The following THSD7B variants were observed in gnomAD, a reference collection of about 807,000 sequenced individuals.
THSD7B encodes the protein thrombospondin type-1 domain-containing protein 7B.
In THSD7B, 138 loss-of-function variants were observed where a neutral mutation model predicts 213.6. The ratio of observed to expected loss-of-function variants is 0.65; its 90% CI spans 0.56 to 0.74. The LOEUF (loss-of-function observed/expected upper bound fraction) is 0.74. THSD7B is among the 30% of genes least tolerant of loss of function. The pLI, the probability that THSD7B is intolerant of heterozygous loss-of-function variation, is 0.00. For synonymous variants in THSD7B, 742 were observed against 687.0 expected, an observed-to-expected ratio of 1.08 and a Z score of -1.25; for missense variants, 1,931 against 1,991.5, an observed-to-expected ratio of 0.97 and a Z score of 0.58.
At chr2:137,169,666 A>C (rs985744283) in intron 6 of THSD7B, among the ~76,000 whole-genome samples, 1 of 152,198 alleles carries the variant, frequency 6.6e-6, no homozygotes, top group South Asian at 2.1e-4. Context: ...AAGGAATTAA[A>C]GGAATCTGTT....
intron 12 of THSD7B, among the ~76,000 whole-genome samples, chr2:137,318,408 C>T (rs1394328674): frequency 6.6e-6 from 1 of 152,120 alleles, no homozygotes; most frequent in African/African-American, 2.4e-5. Flanking sequence ...GAACCAATCA[C>T]CATTACTCTC....
intron 1 of THSD7B, among the ~76,000 whole-genome samples, chr2:136,774,697 A>G (rs1681569295): frequency 6.6e-6 from 1 of 152,134 alleles, no homozygotes; most frequent in Admixed American, 6.6e-5. Flanking sequence ...GAAAAATTCT[A>G]AACTTCATAA....
intron 25 of THSD7B, among the ~76,000 whole-genome samples, chr2:137,662,439 A>T (rs573959753): frequency 6.6e-6 from 1 of 151,828 alleles, no homozygotes; most frequent in East Asian, 1.9e-4. Context: ...GCAACCAATT[A>T]TTATTTTAGA....
chr2:136,867,677 C>T (rs956649730), intron 1 of THSD7B, among the ~76,000 whole-genome samples: 10 of 152,092 alleles, frequency 6.6e-5, no homozygotes, highest in African/African-American at 2.4e-4. Flanking sequence ...ATTCATGATG[C>T]GTCTGTCTGG....
intron 17 of THSD7B, among the ~76,000 whole-genome samples, chr2:137,587,329 G>T (rs1186253078): frequency 2.0e-5 from 3 of 152,128 alleles, no homozygotes; most frequent in Non-Finnish European, 4.4e-5. Flanking sequence ...GCCTTCTTCT[G>T]TCAACTCGTC....
At chr2:137,059,374 T>G (rs1474422398) in intron 3 of THSD7B, among the ~76,000 whole-genome samples, 1 of 152,202 alleles carries the variant, frequency 6.6e-6, no homozygotes, top group Non-Finnish European at 1.5e-5. Context: ...TATTGATATA[T>G]TACTGTTAAT....
intron 16 of THSD7B, among the ~76,000 whole-genome samples, chr2:137,569,132 G>A (rs1050271917): frequency 7.2e-5 from 11 of 152,126 alleles, no homozygotes; most frequent in African/African-American, 2.2e-4. Flanking sequence ...TGCTGCCTCC[G>A]GAGATGGAGA....
At chr2:136,926,938 T>A (rs1016981357) in intron 2 of THSD7B, among the ~76,000 whole-genome samples, 2 of 152,202 alleles carry the variant, frequency 1.3e-5, no homozygotes, top group African/African-American at 4.8e-5. Flanking sequence ...AATGGGCTCA[T>A]CTCCAATTTC....
intron 12 of THSD7B, among the ~76,000 whole-genome samples, chr2:137,312,696 G>A (rs1487082749): frequency 6.9e-6 from 1 of 145,740 alleles, no homozygotes; most frequent in Non-Finnish European, 1.5e-5. Context: ...CAGAGATTCT[G>A]GTATGTTGTG....
At chr2:137,186,207 C>G (rs1680548516) in intron 7 of THSD7B, among the ~76,000 whole-genome samples, 1 of 151,992 alleles carries the variant, frequency 6.6e-6, no homozygotes, top group Non-Finnish European at 1.5e-5. Flanking sequence ...GATAGTTTTT[C>G]TTGCTGTGCA....
chr2:136,942,787 C>T (rs1374624963), intron 2 of THSD7B, among the ~76,000 whole-genome samples: 2 of 152,178 alleles, frequency 1.3e-5, no homozygotes, highest in Non-Finnish European at 2.9e-5. Flanking sequence ...ACAATCATGT[C>T]ATCTGCAAAC....
At chr2:136,936,294 A>G (rs539057394) in intron 2 of THSD7B, among the ~76,000 whole-genome samples, 2 of 152,294 alleles carry the variant, frequency 1.3e-5, no homozygotes, top group South Asian at 4.1e-4. Context: ...TAGAACTACC[A>G]TTTGATCCAG....
At chr2:137,573,940 A>T (rs1208638007) in intron 17 of THSD7B, among the ~76,000 whole-genome samples, 1 of 152,104 alleles carries the variant, frequency 6.6e-6, no homozygotes, top group African/African-American at 2.4e-5. Flanking sequence ...ATTTATTTGA[A>T]GAAGAAGGGT....
chr2:137,449,161 G>T (rs915491610), intron 14 of THSD7B, among the ~76,000 whole-genome samples: 3 of 152,116 alleles, frequency 2.0e-5, no homozygotes, highest in African/African-American at 7.2e-5. Context: ...AGGCAGGCTT[G>T]TGGAGAGAAT....
intron 2 of THSD7B, among the ~76,000 whole-genome samples, chr2:136,907,141 C>T (rs534613768): frequency 6.6e-5 from 10 of 151,678 alleles, no homozygotes; most frequent in East Asian, 1.9e-4. Context: ...AACGGGATTT[C>T]GCCTTGTTTG....
intron 13 of THSD7B, among the ~76,000 whole-genome samples, chr2:137,407,492 A>T (rs1686553412): frequency 2.0e-5 from 3 of 152,168 alleles, no homozygotes; most frequent in Non-Finnish European, 4.4e-5. Context: ...TTGGAAAAAA[A>T]TCCCACTAAT....
At chr2:137,486,848 A>T (rs1688458424) in intron 15 of THSD7B, among the ~76,000 whole-genome samples, 1 of 152,198 alleles carries the variant, frequency 6.6e-6, no homozygotes, top group East Asian at 1.9e-4. Flanking sequence ...CTCACTCAAA[A>T]CCGCTCAACT....
chr2:137,547,129 A>G (rs1198928955), intron 15 of THSD7B, among the ~76,000 whole-genome samples: 1 of 152,078 alleles, frequency 6.6e-6, no homozygotes, highest in Non-Finnish European at 1.5e-5. Context: ...ACTCAGAGCC[A>G]AGATCTCAAT....
At chr2:137,041,845 C>T (rs1177580090) in intron 2 of THSD7B, among the ~76,000 whole-genome samples, 1 of 152,074 alleles carries the variant, frequency 6.6e-6, no homozygotes, top group African/African-American at 2.4e-5. Context: ...CAATAAAGTA[C>T]ATCATGTCAT....
Sources: gnomAD v4.1 joint callset for allele counts (sites outside exome capture counted in the v4.1 genomes callset) on GRCh38, gnomAD v4.1.1 for gene constraint, MANE v1.5 for transcripts, NCBI Gene and HGNC (gene_info 2026-07-23, HGNC 2026-07-21) for gene names.